CDH4: variants seen among roughly 807,000 people sequenced by gnomAD.
CDH4 encodes the protein cadherin 4.
In CDH4, 33 loss-of-function variants were observed where a neutral mutation model predicts 86.0. The observed-to-expected ratio is 0.38, with a 90% confidence interval of 0.29 to 0.51. The LOEUF (loss-of-function observed/expected upper bound fraction) is 0.51. Among genes scored for constraint, CDH4 ranks in the 20% least tolerant of loss-of-function variants. CDH4 has a pLI of 0.86. For synonymous variants in CDH4, 555 were observed against 549.4 expected (o/e 1.01, Z -0.14); for missense variants, 1,114 against 1,307.4 (o/e 0.85, Z 2.28).
chr20:61,720,150 C>G (rs958992692), intron 2 of CDH4, among the ~76,000 whole-genome samples: 1 of 152,076 alleles, frequency 6.6e-6, no homozygotes, highest in Non-Finnish European at 1.5e-5. Context: ...CTCCTGCCTT[C>G]GGGTGGAGGG....
rs1211659306 is a variant in CDH4 at position 61,847,584 on chromosome 20, C to CA, written c.732+2762dup. Among the ~76,000 whole-genome samples, 3 of 152,372 alleles carry CA rather than the reference C, an allele frequency of 2.0e-5. No homozygotes were observed. The East Asian group carries it at 5.8e-4, about 29-fold the overall frequency. On this transcript the variant is annotated intron_variant, in intron 5 of 15. Transcript: ENST00000614565. ...AACACGCTGTGTAAACATGTGCAAA[C>CA]ACGCTGTGTTAGCCCTTTCATATTG...
At chr20:61,654,121 C>A (rs1422553305) in intron 2 of CDH4, among the ~76,000 whole-genome samples, 1 of 152,150 alleles carries the variant, frequency 6.6e-6, no homozygotes, top group Admixed American at 6.5e-5. Context: ...CCACTGCACT[C>A]CAGCCTGGGC....
rs1358246299 is a variant in CDH4 at position 61,331,904 on chromosome 20, A to C, written c.169+76967A>C. The stretch of plus-strand genomic sequence containing the variant: ...CCTGGCACACAGTAGGCGTGTAAAA[A>C]GCGTGTGTTGAGGGCATGAGTAAAC... On this transcript the variant is annotated intron_variant, in intron 2 of 15. Transcript: ENST00000614565. 2.0e-5 allele frequency among the ~76,000 whole-genome samples: 3 copies of C among 152,200 alleles called. No individual in the cohort carries two copies. In the East Asian group the frequency reaches 5.9e-4, roughly 30 times the overall value.
intron 2 of CDH4, among the ~76,000 whole-genome samples, chr20:61,467,931 C>T (rs181032240): frequency 2.0e-4 from 31 of 152,290 alleles, no homozygotes; most frequent in African/African-American, 4.8e-4. Context: ...AGTTAGAATC[C>T]GCCGAGGGAA....
chr20:61,895,378 C>T (rs1191408522), intron 8 of CDH4, among the ~76,000 whole-genome samples: 2 of 152,234 alleles, frequency 1.3e-5, no homozygotes, highest in African/African-American at 4.8e-5. Context: ...GTGTGGGACC[C>T]GCTTGGGGAA....
At chr20:61,700,712 G>A (rs192761162) in intron 2 of CDH4, among the ~76,000 whole-genome samples, 383 of 152,066 alleles carry the variant, frequency 2.5e-3, no homozygotes, top group Middle Eastern at 6.8e-3. Flanking sequence ...CACCCTATAC[G>A]GCCTCACTGT....
At position 61,518,330 on chromosome 20, in the gene CDH4, A is replaced by G. The variant is rs2085839739; in HGVS notation, c.170-225233A>G. 3.3e-5 allele frequency among the ~76,000 whole-genome samples: 5 copies of G among 152,164 alleles called. No individual in the cohort carries two copies. The South Asian group carries it at 1.0e-3, about 32-fold the overall frequency. Reference sequence around the variant, plus strand: ...ATGGGCTCTTAACCACCTCTTCCCTATGCTAAGTCTGTTCCACCTAAAGGA... The same window carrying G: ...ATGGGCTCTTAACCACCTCTTCCCTGTGCTAAGTCTGTTCCACCTAAAGGA... On this transcript the variant is annotated intron_variant, in intron 2 of 15. Coordinates refer to ENST00000614565, the MANE Select transcript of CDH4 (RefSeq NM_001794.5). This position sits in a 1 kb window ranked among gnomAD's most constrained non-coding sequence, Gnocchi z 6.3.
At chr20:61,577,468 G>C (rs1006919747) in intron 2 of CDH4, among the ~76,000 whole-genome samples, 2 of 152,234 alleles carry the variant, frequency 1.3e-5, no homozygotes, top group Admixed American at 6.5e-5. Context: ...TGTATCTTTT[G>C]TGTATCGAAC....
chr20:61,858,067 GTA>G (rs1457616203), intron 6 of CDH4, among the ~76,000 whole-genome samples: 1 of 149,936 alleles, frequency 6.7e-6, no homozygotes, highest in Non-Finnish European at 1.5e-5. Flanking sequence ...GTGTGTGTCT[GTA>G]TATGTCTCTG....
rs557857003 is a variant in CDH4, at chr20:61,708,860, G to A, written c.170-34703G>A. ...CATTGGCAGACGTGCAGAACACCCC[G>A]CGTGCAATCTTTTCCTGGTAATTTA... is the stretch of plus-strand genomic sequence containing the variant. On this transcript the variant is annotated intron_variant, in intron 2 of 15. Transcript: ENST00000614565. This position sits in a 1 kb window ranked among gnomAD's most constrained non-coding sequence, Gnocchi z 4.5. Among the ~76,000 whole-genome samples, 170 of 152,338 alleles carry A rather than the reference G, an allele frequency of 1.1e-3. 4 individuals are homozygous for A. In the South Asian group the frequency reaches 0.014, roughly 13 times the overall value.
chr20:61,645,719 A>AC (rs945544820), intron 2 of CDH4, among the ~76,000 whole-genome samples: 3 of 150,296 alleles, frequency 2.0e-5, no homozygotes, highest in Admixed American at 6.6e-5. Flanking sequence ...ACTCTATTTC[A>AC]CCCCCCTTCA....
At chr20:61,701,187 C>G (rs1352272050) in intron 2 of CDH4, among the ~76,000 whole-genome samples, 1 of 152,170 alleles carries the variant, frequency 6.6e-6, no homozygotes, top group African/African-American at 2.4e-5. Flanking sequence ...GTGCCCAAGT[C>G]TCCAGTTTTC....
At chr20:61,531,469 T>G (rs1171404780) in intron 2 of CDH4, among the ~76,000 whole-genome samples, 9 of 87,816 alleles carry the variant, frequency 1.0e-4, no homozygotes, top group Admixed American at 1.6e-4. Context: ...CAAGACTGCA[T>G]CTCAAAAAAA....
At chr20:61,838,698 A>G (rs1187264286) in intron 4 of CDH4, among the ~76,000 whole-genome samples, 2 of 151,710 alleles carry the variant, frequency 1.3e-5, no homozygotes, top group Admixed American at 1.3e-4. Context: ...AGTCCCAACT[A>G]TCCTAGTCCC....
chr20:61,916,920 C>G (rs910618818), intron 9 of CDH4, among the ~76,000 whole-genome samples: 1 of 152,226 alleles, frequency 6.6e-6, no homozygotes, highest in Non-Finnish European at 1.5e-5. Flanking sequence ...TCTTCTGCCT[C>G]CCTTTTCACA....
intron 2 of CDH4, among the ~76,000 whole-genome samples, chr20:61,283,969 T>C (rs1369126254): frequency 6.6e-6 from 1 of 152,120 alleles, no homozygotes; most frequent in Non-Finnish European, 1.5e-5. Flanking sequence ...CCCCAATCAA[T>C]CCCACATTTA....
At chr20:61,556,400 T>G (rs1281536834) in intron 2 of CDH4, among the ~76,000 whole-genome samples, 1 of 152,116 alleles carries the variant, frequency 6.6e-6, no homozygotes, top group Non-Finnish European at 1.5e-5. Flanking sequence ...GACACAGTCC[T>G]CCAGGCAGAG....
Position 61,494,789 on chromosome 20 carries a change from T to C in CDH4, c.169+239852T>C, listed in dbSNP as rs1191064878. Among the ~76,000 whole-genome samples, 3 of 152,268 alleles carry C rather than the reference T, an allele frequency of 2.0e-5. No homozygotes were observed. The East Asian group carries it at 5.8e-4, about 29-fold the overall frequency. On this transcript the variant is annotated intron_variant, in intron 2 of 15. Coordinates refer to ENST00000614565, the MANE Select transcript of CDH4 (RefSeq NM_001794.5). ...GTTATTTGCTATTTTGTGAATTCTT[T>C]ATCTGTTTCTCTAGCTATCATTTTC...
rs1214746306 is a variant in CDH4, at chr20:61,545,890, T to G, written c.170-197673T>G. ...TAGAGGGTATGTGGGATACGGTATG[T>G]GTTCGTATGTGTGTGTGTGGAGGGG... is the stretch of plus-strand genomic sequence containing the variant. On this transcript the variant is annotated intron_variant, in intron 2 of 15. Coordinates refer to ENST00000614565, the MANE Select transcript of CDH4 (RefSeq NM_001794.5). Among the ~76,000 whole-genome samples the G allele has an allele frequency of 2.0e-5, 3 of 148,642 alleles. No homozygotes were observed. The South Asian group carries it at 6.5e-4, about 32-fold the overall frequency.
Sources: allele counts gnomAD v4.1 joint callset (sites outside exome capture counted in the v4.1 genomes callset), GRCh38; gene constraint gnomAD v4.1.1; non-coding constraint Gnocchi (gnomAD v3.1); transcripts MANE v1.5; gene names NCBI Gene and HGNC (gene_info 2026-07-23, HGNC 2026-07-21).